The following NUP107 variants were observed in gnomAD, a reference collection of about 807,000 sequenced individuals.
NUP107 encodes nucleoporin 107.
A neutral mutation model predicts 141.0 loss-of-function variants in NUP107; 101 were observed. That is an observed-to-expected ratio of 0.72 (90% confidence interval 0.61 to 0.84). The LOEUF (loss-of-function observed/expected upper bound fraction) is 0.84, where lower values mean the gene tolerates loss of function less well. Among genes scored for constraint, NUP107 ranks in the 40% least tolerant of loss-of-function variants. The pLI, the probability that NUP107 is intolerant of heterozygous loss-of-function variation, is 0.00. For missense variants in NUP107, 941 were observed against 1,102.7 expected (o/e 0.85, Z 2.08); for synonymous variants, 319 against 363.9 (o/e 0.88, Z 1.41).
In NUP107 at chr12:68,700,664, A is replaced by G. The variant is rs77411073; in HGVS notation, c.553-62A>G. Reference sequence around the variant, plus strand: ...TATTTTAGCACTCTATTCAAATACAAACTTATCAGTGACTCAAAATTGTAG... The same window carrying G: ...TATTTTAGCACTCTATTCAAATACAGACTTATCAGTGACTCAAAATTGTAG... On this transcript the variant is annotated intron_variant, in intron 6 of 27. Transcript: ENST00000229179. The G allele has an allele frequency of 1.9e-4, 237 of 1,246,160 alleles. No individual in the cohort carries two copies. In the African/African-American group the frequency reaches 3.3e-3, roughly 17 times the overall value. 77.2% of individuals were successfully genotyped at this position (1,246,160 alleles called of 1,614,324 possible).
chr12:68,691,340 A>C (rs1223006140), intron 4 of NUP107, among the ~76,000 whole-genome samples: 4 of 152,250 alleles, frequency 2.6e-5, no homozygotes, highest in African/African-American at 4.8e-5. Context: ...CCTGTTTTGA[A>C]GCATACAAGA....
At chr12:68,742,310 C>G (rs1394741102) in intron 27 of NUP107, 45 bp from the exon 28 acceptor site, 1 of 1,234,376 alleles carries the variant, frequency 8.1e-7, no homozygotes, top group South Asian at 1.2e-5. Flanking sequence ...TCATACTTGT[C>G]TACTTGTCTT....
chr12:68,696,960 T>A, intron 6 of NUP107, 38 bp downstream of exon 6: 2 of 1,291,466 alleles, frequency 1.5e-6, no homozygotes, highest in Non-Finnish European at 2.2e-6. Flanking sequence ...CAAACTTCAG[T>A]ATTTTTAGTT....
At chr12:68,731,793 C>T in intron 22 of NUP107, 74 bp downstream of exon 22, 1 of 843,376 alleles carries the variant, frequency 1.2e-6, no homozygotes. Flanking sequence ...GTGAACTTCT[C>T]CCTTCGTAAA....
chr12:68,727,348 A>G lies in NUP107; in HGVS notation c.1696-3A>G. The G allele has an allele frequency of 6.8e-7, 1 of 1,471,760 alleles. No homozygotes were observed. The highest frequency in any genetic ancestry group is 9.4e-7 in the Non-Finnish European group (1 of 1,062,844). The allele number at this position is 1,471,760 out of a possible 1,614,324, so 91.2% of individuals were successfully genotyped here. A position where few individuals can be genotyped will look rare whatever the true frequency, so the allele number is the denominator to read the frequency against. On this transcript the variant is annotated splice_region_variant and splice_polypyrimidine_tract_variant and intron_variant, in intron 19 of 27. Transcript: ENST00000229179. The stretch of plus-strand genomic sequence containing the variant: ...TATAATTATGTCTTTTTTTCCTATG[A>G]AGGAGGAAGTTTCTATTGAAGTTTT...
chr12:68,693,084 TA>T (rs200919292), intron 5 of NUP107, among the ~76,000 whole-genome samples: 4,689 of 147,760 alleles, frequency 0.032, 94 homozygotes, highest in Middle Eastern at 0.05. Context: ...TTTATTTATT[TA>T]TTTTTTTTTT....
At chr12:68,712,718 A>G (rs926411552) in intron 10 of NUP107, among the ~76,000 whole-genome samples, 3 of 144,404 alleles carry the variant, frequency 2.1e-5, no homozygotes, top group African/African-American at 7.7e-5. Flanking sequence ...TTTTTTGCTG[A>G]TCAGCGGAAC....
intron 4 of NUP107, 81 bp downstream of exon 4, chr12:68,690,827 T>C (rs1875748627): frequency 7.2e-7 from 1 of 1,391,970 alleles, no homozygotes. Context: ...CTCCCTGAAC[T>C]CCTGACCTCA....
At chr12:68,692,154 T>C (rs993509045) in intron 5 of NUP107, 42 bp downstream of exon 5, 7 of 1,526,540 alleles carry the variant, frequency 4.6e-6, no homozygotes, top group Non-Finnish European at 6.2e-6. Context: ...CTTTTCACTT[T>C]AGCAAGATGA....
chr12:68,716,860 C>A (rs1877136894), intron 12 of NUP107, among the ~76,000 whole-genome samples: 1 of 151,784 alleles, frequency 6.6e-6, no homozygotes, highest in Admixed American at 6.6e-5. Flanking sequence ...TTGTTTTCTT[C>A]TGTGCTATCA....
intron 12 of NUP107, among the ~76,000 whole-genome samples, chr12:68,716,250 T>A (rs1005718233): frequency 6.7e-6 from 1 of 148,170 alleles, no homozygotes; most frequent in African/African-American, 2.5e-5. Flanking sequence ...TCTTTCTTTT[T>A]TTTTTTGAGA....
rs779177579 is a variant in NUP107, at chr12:68,733,512, C to T, written c.2162C>T (p.Ala721Val). 1.5e-5 allele frequency: 24 copies of T among 1,612,916 alleles called. No homozygotes were observed. Among genetic ancestry groups the T allele is most frequent in the Non-Finnish European group, 1.8e-5 (21 of 1,179,442 alleles). ...GTGAAAATTCCTCAGGATTCTATAG[C>T]AGAAATCTATAATCAGTGCGAGGAA... Reference protein sequence around the residue: ...VFVKIPQDSIAEIYNQCEEQG... With the variant: ...VFVKIPQDSIVEIYNQCEEQG... The change falls in exon 24 of 28, where the codon GCA becomes GTA. Residue 721 changes from alanine to valine, a missense_variant. Physicochemically the swap from Ala to Val is moderately conservative, Grantham distance 64. Transcript: ENST00000229179.
At position 68,697,675 on chromosome 12, in the gene NUP107, G is replaced by A. The variant is rs567732657; in HGVS notation, c.552+753G>A. Among the ~76,000 whole-genome samples the A allele has an allele frequency of 2.0e-5, 3 of 152,144 alleles. No individual in the cohort carries two copies. The South Asian group carries it at 6.2e-4, about 32-fold the overall frequency. The stretch of plus-strand genomic sequence containing the variant: ...AAAATGAACAATCTAGTTAAAAAAT[G>A]AACAAAAGATGGGAACAGGCACCTC... On this transcript the variant is annotated intron_variant, in intron 6 of 27. Coordinates refer to ENST00000229179, the MANE Select transcript of NUP107 (RefSeq NM_020401.4).
intron 6 of NUP107, among the ~76,000 whole-genome samples, chr12:68,699,479 G>C (rs1055047217): frequency 3.3e-5 from 5 of 152,160 alleles, no homozygotes; most frequent in Non-Finnish European, 7.3e-5. Context: ...AATAGTAATA[G>C]ACAACTTTTT....
At chr12:68,730,045 T>C (rs1385201229) in intron 20 of NUP107, among the ~76,000 whole-genome samples, 1 of 151,724 alleles carries the variant, frequency 6.6e-6, no homozygotes. Context: ...CATTGTAACC[T>C]CAGACTCCTG....
At chr12:68,732,416 G>A (rs1877869092) in intron 22 of NUP107, among the ~76,000 whole-genome samples, 2 of 152,170 alleles carry the variant, frequency 1.3e-5, no homozygotes, top group Middle Eastern at 3.2e-3. Flanking sequence ...GATTACGGGT[G>A]TGAGCCAGCA....
intron 8 of NUP107, 22 bp downstream of exon 8, chr12:68,702,806 TC>T: frequency 7.3e-7 from 1 of 1,370,748 alleles, no homozygotes; most frequent in Non-Finnish European, 1.0e-6. Context: ...ATTAATTTTT[TC>T]TTTTATAAAT....
At chr12:68,705,310 T>C (rs1431282676) in intron 8 of NUP107, among the ~76,000 whole-genome samples, 8 of 152,116 alleles carry the variant, frequency 5.3e-5, no homozygotes, top group African/African-American at 1.4e-4. Context: ...GTGATGACTT[T>C]GACTGTTTTT....
intron 20 of NUP107, among the ~76,000 whole-genome samples, chr12:68,730,040 T>A (rs2136042685): frequency 6.6e-6 from 1 of 151,816 alleles, no homozygotes; most frequent in East Asian, 1.9e-4. Context: ...TAGCCCATTG[T>A]AACCTCAGAC....
Sources: allele counts gnomAD v4.1 joint callset (sites outside exome capture counted in the v4.1 genomes callset), GRCh38; gene constraint gnomAD v4.1.1; transcripts MANE v1.5; gene names NCBI Gene and HGNC (gene_info 2026-07-23, HGNC 2026-07-21).